The following COLEC12 variants were observed in gnomAD, a reference collection of about 807,000 sequenced individuals.
The protein encoded by COLEC12 is collectin-12.
Under a neutral mutation model 71.1 loss-of-function variants are expected in COLEC12, and 33 were observed. The observed-to-expected ratio is 0.46, with a 90% confidence interval of 0.35 to 0.62. The LOEUF (loss-of-function observed/expected upper bound fraction) is 0.62. Ranked by LOEUF, COLEC12 falls within the 20% of genes least tolerant of loss-of-function variation. The pLI is 0.00. For synonymous variants in COLEC12, 350 were observed against 353.0 expected (o/e 0.99, Z 0.10); for missense variants, 765 against 916.1 (o/e 0.84, Z 2.13).
At chr18:331,858 A>G (rs760182165) in intron 7 of COLEC12, 81 bp from the exon 8 acceptor site, 51 of 827,970 alleles carry the variant, frequency 6.2e-5, no homozygotes, top group Admixed American at 2.7e-4. Flanking sequence ...TAACATTTAG[A>G]AAAAAGGACA....
At chr18:360,178 CT>C (rs778619867) in intron 2 of COLEC12, among the ~76,000 whole-genome samples, 337 of 141,548 alleles carry the variant, frequency 2.4e-3, no homozygotes, top group Non-Finnish European at 3.1e-3. Flanking sequence ...ATTTGGATTT[CT>C]TTTTTTTTTT....
At chr18:472,678 CAA>C (rs765169609) in intron 2 of COLEC12, among the ~76,000 whole-genome samples, 18 of 93,648 alleles carry the variant, frequency 1.9e-4, no homozygotes, top group African/African-American at 4.0e-4. Flanking sequence ...GGCCCTGTGA[CAA>C]AAAAAAAAAA....
At chr18:339,034 C>A (rs1598330336) in intron 5 of COLEC12, among the ~76,000 whole-genome samples, 1 of 147,486 alleles carries the variant, frequency 6.8e-6, no homozygotes, top group South Asian at 2.2e-4. Context: ...CCATCACTCA[C>A]ATCTGGGGTT....
intron 2 of COLEC12, among the ~76,000 whole-genome samples, chr18:418,431 T>C (rs1477573767): frequency 6.6e-6 from 1 of 152,200 alleles, no homozygotes; most frequent in Non-Finnish European, 1.5e-5. Context: ...ATCCTGGGTC[T>C]GTCTCTGTCA....
intron 2 of COLEC12, among the ~76,000 whole-genome samples, chr18:455,856 G>A (rs1403560245): frequency 1.3e-5 from 2 of 152,168 alleles, no homozygotes; most frequent in Non-Finnish European, 2.9e-5. Context: ...ATAGTATTCT[G>A]TGGTGTATAT....
At chr18:410,001 C>A (rs1260272045) in intron 2 of COLEC12, among the ~76,000 whole-genome samples, 1 of 152,184 alleles carries the variant, frequency 6.6e-6, no homozygotes, top group Non-Finnish European at 1.5e-5. Flanking sequence ...TGATCTGGAA[C>A]AAGTTACTTA....
chr18:319,857 G>GA lies in COLEC12; in HGVS notation c.*187dup, dbSNP rs1416421873. The GA allele has an allele frequency of 3.3e-6, 2 of 601,378 alleles. No homozygotes were observed. Among genetic ancestry groups the GA allele is most frequent in the African/African-American group, 3.9e-5 (2 of 51,332 alleles). 37.3% of individuals were successfully genotyped at this position (601,378 alleles called of 1,614,324 possible). A position where few individuals can be genotyped will look rare whatever the true frequency, so the allele number is the denominator to read the frequency against. On this transcript the variant is annotated 3_prime_UTR_variant, in exon 10 of 10. Coordinates refer to ENST00000400256, the MANE Select transcript of COLEC12 (RefSeq NM_130386.3). ...ATGAAAATCAGCATATCACCCTGGG[G>GA]AACATTTTAGTTCCCAAGTCTTTGG...
At chr18:409,427 G>A (rs943287754) in intron 2 of COLEC12, among the ~76,000 whole-genome samples, 5 of 152,092 alleles carry the variant, frequency 3.3e-5, no homozygotes, top group African/African-American at 7.2e-5. Context: ...CCAGCTACTC[G>A]GGAGGCTGAG....
At chr18:419,511 A>C (rs536937865) in intron 2 of COLEC12, among the ~76,000 whole-genome samples, 2 of 152,192 alleles carry the variant, frequency 1.3e-5, no homozygotes, top group Non-Finnish European at 2.9e-5. Context: ...AGCCCTGTAT[A>C]TATTTTAAAT....
chr18:458,736 A>C (rs1311518062), intron 2 of COLEC12, among the ~76,000 whole-genome samples: 3 of 152,002 alleles, frequency 2.0e-5, no homozygotes, highest in Admixed American at 6.6e-5. Context: ...CTATATGATC[A>C]CTCCTCAAGA....
At chr18:496,271 T>C (rs1598383613) in intron 1 of COLEC12, among the ~76,000 whole-genome samples, 1 of 152,214 alleles carries the variant, frequency 6.6e-6, no homozygotes, top group Admixed American at 6.5e-5. Context: ...ATGAGCCACA[T>C]GGCAAAGGGT....
At chr18:397,483 A>T (rs1356207086) in intron 2 of COLEC12, among the ~76,000 whole-genome samples, 1 of 152,158 alleles carries the variant, frequency 6.6e-6, no homozygotes, top group Admixed American at 6.5e-5. Flanking sequence ...TTAGATTTTT[A>T]TAATTTTGAA....
intron 2 of COLEC12, among the ~76,000 whole-genome samples, chr18:458,981 T>G (rs936945794): frequency 3.9e-5 from 6 of 152,202 alleles, no homozygotes; most frequent in African/African-American, 1.2e-4. Context: ...ACCACGGACA[T>G]GCTCCACCAT....
In COLEC12 at chr18:346,537, C is replaced by A; in HGVS notation, c.1085G>T (p.Ser362Ile). 6.2e-7 allele frequency: 1 copy of A among 1,614,150 alleles called. No homozygotes were observed. Among genetic ancestry groups the A allele is most frequent in the Admixed American group, 1.7e-5 (1 of 60,024 alleles). ...YTAHHLRTLT[S>I]NLNEVRTTCT... is the part of the protein sequence containing the mutation. ...AGTGGTCCTGACTTCATTTAGATTG[C>A]TGGTCAGCGTCCGCAGGTGGTGGGC... The change falls in exon 5 of 10, where the codon AGC (serine) becomes ATC (isoleucine). Residue 362 changes from serine to isoleucine, a missense_variant. Physicochemically the swap from Ser to Ile is moderately radical, Grantham distance 142. Coordinates refer to ENST00000400256, the MANE Select transcript of COLEC12 (RefSeq NM_130386.3). This position sits in a 1 kb window ranked among gnomAD's most constrained non-coding sequence, Gnocchi z 4.0.
chr18:388,532 C>T (rs904538772), intron 2 of COLEC12, among the ~76,000 whole-genome samples: 8 of 152,154 alleles, frequency 5.3e-5, no homozygotes, highest in African/African-American at 9.7e-5. Flanking sequence ...TTTCTGTATG[C>T]GCATGGGTCT....
intron 1 of COLEC12, among the ~76,000 whole-genome samples, chr18:488,889 A>AC (rs1440904202): frequency 6.6e-6 from 1 of 151,730 alleles, no homozygotes; most frequent in Non-Finnish European, 1.5e-5. Flanking sequence ...AAGAAAAAAA[A>AC]AAGAAAAGAA....
At chr18:451,829 G>A (rs143831195) in intron 2 of COLEC12, among the ~76,000 whole-genome samples, 2,838 of 152,264 alleles carry the variant, frequency 0.019, 61 homozygotes, top group Non-Finnish European at 0.023. Context: ...TTTGCAGCCT[G>A]GCCATGTGGT....
intron 2 of COLEC12, among the ~76,000 whole-genome samples, chr18:416,635 C>T (rs960474563): frequency 1.3e-5 from 2 of 152,088 alleles, no homozygotes; most frequent in African/African-American, 2.4e-5. Context: ...GGGACTCCTC[C>T]ACCGCCATGC....
At chr18:388,198 GA>G (rs1487696504) in intron 2 of COLEC12, among the ~76,000 whole-genome samples, 1 of 152,148 alleles carries the variant, frequency 6.6e-6, no homozygotes, top group African/African-American at 2.4e-5. Context: ...GTTCTTGAAA[GA>G]AAATCAAGCT....
Sources: allele counts gnomAD v4.1 joint callset (sites outside exome capture counted in the v4.1 genomes callset), GRCh38; gene constraint gnomAD v4.1.1; non-coding constraint Gnocchi (gnomAD v3.1); transcripts MANE v1.5; gene names NCBI Gene and HGNC (gene_info 2026-07-23, HGNC 2026-07-21).